CRYL1: variants seen among roughly 807,000 people sequenced by gnomAD.
CRYL1 encodes lambda-crystallin homolog.
In CRYL1, 29 loss-of-function variants were observed where a neutral mutation model predicts 36.6. That is an observed-to-expected ratio of 0.79 (90% confidence interval 0.59 to 1.08). The LOEUF is 1.08. CRYL1 is among the 50% of genes least tolerant of loss of function. CRYL1 has a pLI of 0.00. For synonymous variants in CRYL1, 152 were observed against 151.5 expected (o/e 1.00, Z -0.02); for missense variants, 411 against 407.9 (o/e 1.01, Z -0.06).
chr13:20,523,999 A>G (rs1190503728), intron 1 of CRYL1, among the ~76,000 whole-genome samples: 1 of 152,188 alleles, frequency 6.6e-6, no homozygotes, highest in Non-Finnish European at 1.5e-5. Context: ...GTGGCTCACA[A>G]CTGTAACCCC....
Position 20,413,337 on chromosome 13 carries a change from C to T in CRYL1, c.684G>A (p.Leu228=), listed in dbSNP as rs1565955757. The part of the protein sequence containing the change: ...SDLDLVMSEG[L]GMRYAFIGPL... Reference sequence around the variant, plus strand: ...GTCCAATGAATGCATACCGCATGCCCAACCCTTCTGACATGACAAGGTCCA... The same window carrying T: ...GTCCAATGAATGCATACCGCATGCCTAACCCTTCTGACATGACAAGGTCCA... Residue 228 remains leucine, a synonymous_variant, in exon 6 of 8, where the codon TTG becomes TTA. Coordinates refer to ENST00000298248, the MANE Select transcript of CRYL1 (RefSeq NM_015974.3). 1.9e-6 allele frequency: 3 copies of T among 1,613,826 alleles called. No individual in the cohort carries two copies. The highest frequency in any genetic ancestry group is 4.5e-5 in the East Asian group (2 of 44,832).
chr13:20,469,527 C>T (rs1371380796), intron 3 of CRYL1, among the ~76,000 whole-genome samples: 1 of 152,176 alleles, frequency 6.6e-6, no homozygotes, highest in Non-Finnish European at 1.5e-5. Flanking sequence ...TGGAGTGGCT[C>T]ACATCACAGA....
intron 2 of CRYL1, among the ~76,000 whole-genome samples, chr13:20,490,308 C>T (rs1054635004): frequency 1.3e-5 from 2 of 152,172 alleles, no homozygotes; most frequent in Admixed American, 6.5e-5. Flanking sequence ...AGGAGAATCG[C>T]TTGAACCCAG....
chr13:20,486,074 A>G (rs754975484), intron 3 of CRYL1, among the ~76,000 whole-genome samples: 5 of 138,110 alleles, frequency 3.6e-5, no homozygotes, highest in Non-Finnish European at 6.2e-5. Flanking sequence ...ACATGCCACC[A>G]CACCCGGCTA....
Position 20,486,275 on chromosome 13 carries a change from CTCT to C in CRYL1, c.276+3092_276+3094del, listed in dbSNP as rs538635667. 1.2e-3 allele frequency among the ~76,000 whole-genome samples: 181 copies of C among 152,306 alleles called. 1 individual carries two copies. Among genetic ancestry groups the C allele is most frequent in the African/African-American group, 4.1e-3 (170 of 41,578 alleles). ...AAATGGTGCTTCTCTTCGTGTACTC[CTCT>C]AAGCACTGTGTATTACTCAATTCAC... On this transcript the variant is annotated intron_variant, in intron 3 of 7. Coordinates refer to ENST00000298248, the MANE Select transcript of CRYL1 (RefSeq NM_015974.3).
intron 3 of CRYL1, chr13:20,477,064 G>A (rs2033181311): frequency 6.6e-6 from 1 of 152,316 alleles, no homozygotes. Flanking sequence ...GGGAGGCTGA[G>A]GCAGGAGAAT....
chr13:20,492,977 C>T (rs1158351492), intron 2 of CRYL1, among the ~76,000 whole-genome samples: 1 of 152,170 alleles, frequency 6.6e-6, no homozygotes, highest in Admixed American at 6.5e-5. Flanking sequence ...AGAGTCAATG[C>T]CCCCACCGGT....
intron 6 of CRYL1, among the ~76,000 whole-genome samples, chr13:20,408,188 G>C (rs1033564261): frequency 6.6e-6 from 1 of 152,188 alleles, no homozygotes; most frequent in Non-Finnish European, 1.5e-5. Flanking sequence ...GCCCAGGGTA[G>C]GGGAGGCAGA....
intron 5 of CRYL1, chr13:20,426,756 T>A: frequency 2.0e-6 from 2 of 985,368 alleles, no homozygotes; most frequent in Non-Finnish European, 2.4e-6. Context: ...AAACAATGTC[T>A]CCTAACAGTT....
chr13:20,450,591 G>C (rs1333208300), intron 3 of CRYL1, among the ~76,000 whole-genome samples: 1 of 152,168 alleles, frequency 6.6e-6, no homozygotes, highest in Non-Finnish European at 1.5e-5. Context: ...GGGGAAATAG[G>C]AACACTTTTA....
intron 3 of CRYL1, among the ~76,000 whole-genome samples, chr13:20,465,093 C>T (rs1310184118): frequency 4.6e-5 from 7 of 152,158 alleles, no homozygotes. Context: ...AGTAGAGGAG[C>T]AGAATAATTT....
At position 20,478,222 on chromosome 13, in the gene CRYL1, G is replaced by A. The variant is rs1241493375; in HGVS notation, c.276+11148C>T. 2.6e-5 allele frequency among the ~76,000 whole-genome samples: 4 copies of A among 152,058 alleles called. 1 individual carries two copies. The highest frequency in any genetic ancestry group is 4.1e-4 in the South Asian group (2 of 4,824). On this transcript the variant is annotated intron_variant, in intron 3 of 7. Coordinates refer to ENST00000298248, the MANE Select transcript of CRYL1 (RefSeq NM_015974.3). ...TATCATGTTTTTAACCTAGTGATAAGATCAAAAAGTATTTTCTTAGCTTAT... is the reference window on the plus strand; with the variant it reads ...TATCATGTTTTTAACCTAGTGATAAAATCAAAAAGTATTTTCTTAGCTTAT...
intron 3 of CRYL1, among the ~76,000 whole-genome samples, chr13:20,477,245 T>C (rs1453595178): frequency 1.3e-5 from 2 of 152,138 alleles, no homozygotes; most frequent in African/African-American, 4.8e-5. Flanking sequence ...GGAGGATCGC[T>C]TGAGCCCAGG....
rs547703438 is a variant in CRYL1 at position 20,489,497 on chromosome 13, C to A, written c.150-1G>T. The A allele has an allele frequency of 7.4e-6, 12 of 1,612,642 alleles. No individual in the cohort carries two copies. Among genetic ancestry groups the A allele is most frequent in the Non-Finnish European group, 9.3e-6 (11 of 1,180,018 alleles). Reference sequence around the variant, plus strand: ...CTGCTCCAGCAACTTCATCTCCTTTCTGGAAAGGCAGAGAGAAGGATCACT... The same window carrying A: ...CTGCTCCAGCAACTTCATCTCCTTTATGGAAAGGCAGAGAGAAGGATCACT... On this transcript the variant is annotated splice_acceptor_variant, in intron 2 of 7. Transcript: ENST00000298248. LOFTEE classifies it high-confidence loss of function.
chr13:20,525,782 C>T lies in CRYL1; in HGVS notation c.13G>A (p.Ala5Thr). Reference sequence around the variant, plus strand: ...CCAACGATCACCACGCAGCCGGCCGCGGAGGACGCCATGGTTGGGCCGGGG... The same window carrying T: ...CCAACGATCACCACGCAGCCGGCCGTGGAGGACGCCATGGTTGGGCCGGGG... MASS[A>T]AGCVVIVGSG... The change falls in exon 1 of 8, where the codon GCG becomes ACG. Residue 5 changes from alanine to threonine, a missense_variant. Ala to Thr is a moderately conservative substitution (Grantham distance 58, BLOSUM62 0). Transcript: ENST00000298248. This position sits in a 1 kb window ranked among gnomAD's most constrained non-coding sequence, Gnocchi z 4.3. 1 of 1,284,934 alleles carries T rather than the reference C, an allele frequency of 7.8e-7. No homozygotes were observed. The highest frequency in any genetic ancestry group is 9.9e-7 in the Non-Finnish European group (1 of 1,014,720). 79.6% of individuals were successfully genotyped at this position (1,284,934 alleles called of 1,614,324 possible).
chr13:20,430,828 T>C (rs916480525), intron 5 of CRYL1: 5 of 985,382 alleles, frequency 5.1e-6, no homozygotes, highest in Non-Finnish European at 4.8e-6. Context: ...GTTCCCCTTT[T>C]CTAGACAAAT....
rs1044310059 is a variant in CRYL1, at chr13:20,415,041, G to A, written c.634-1654C>T. Reference sequence around the variant, plus strand: ...GCGAGAGCCCGACCGTGGACGATGCGTCGCGCCCTTCCCATCGCGGCCTGG... The same window carrying A: ...GCGAGAGCCCGACCGTGGACGATGCATCGCGCCCTTCCCATCGCGGCCTGG... On this transcript the variant is annotated intron_variant, in intron 5 of 7. Coordinates refer to ENST00000298248, the MANE Select transcript of CRYL1 (RefSeq NM_015974.3). The surrounding 1 kb of genome is among the most constrained non-coding windows in gnomAD (Gnocchi z 4.1). Among the ~76,000 whole-genome samples, 7 of 152,144 alleles carry A rather than the reference G, an allele frequency of 4.6e-5. No individual in the cohort carries two copies. The highest frequency in any genetic ancestry group is 1.7e-4 in the African/African-American group (7 of 41,448).
At chr13:20,470,458 G>A (rs1565975175) in intron 3 of CRYL1, among the ~76,000 whole-genome samples, 1 of 152,208 alleles carries the variant, frequency 6.6e-6, no homozygotes, top group Non-Finnish European at 1.5e-5. Context: ...CCAATCTTCT[G>A]AGGACTTTCT....
chr13:20,423,052 G>T (rs1276140759), intron 5 of CRYL1, among the ~76,000 whole-genome samples: 2 of 152,148 alleles, frequency 1.3e-5, no homozygotes, highest in African/African-American at 4.8e-5. Context: ...TATTGTAAAT[G>T]GAATTGTTTT....
Sources: gnomAD v4.1 joint callset for allele counts (sites outside exome capture counted in the v4.1 genomes callset) on GRCh38, gnomAD v4.1.1 for gene constraint, Gnocchi (gnomAD v3.1) non-coding constraint, MANE v1.5 for transcripts, NCBI Gene and HGNC (gene_info 2026-07-23, HGNC 2026-07-21) for gene names.